SLC35F3: variants seen among roughly 807,000 people sequenced by gnomAD.
SLC35F3 encodes solute carrier family 35 member F3, also known as putative thiamine transporter SLC35F3.
In SLC35F3, 25 loss-of-function variants were observed where a neutral mutation model predicts 49.9. That is an observed-to-expected ratio of 0.50 (90% confidence interval 0.37 to 0.70). The LOEUF (loss-of-function observed/expected upper bound fraction) is 0.70, where lower values mean the gene tolerates loss of function less well. Ranked by LOEUF, SLC35F3 falls within the 30% of genes least tolerant of loss-of-function variation. The pLI is 0.00. For synonymous variants in SLC35F3, 275 were observed against 265.4 expected (o/e 1.04, Z -0.35); for missense variants, 525 against 639.8 (o/e 0.82, Z 1.94).
intron 3 of SLC35F3, among the ~76,000 whole-genome samples, chr1:234,301,455 GATC>G (rs1668690798): frequency 6.6e-6 from 1 of 152,172 alleles, no homozygotes; most frequent in Non-Finnish European, 1.5e-5. Flanking sequence ...CAACATCACT[GATC>G]ATCAGAGAAA....
intron 3 of SLC35F3, among the ~76,000 whole-genome samples, chr1:234,272,954 A>G (rs969398785): frequency 1.3e-5 from 2 of 152,190 alleles, no homozygotes; most frequent in African/African-American, 4.8e-5. Flanking sequence ...CAGGACAGTC[A>G]CAGCCCCTGG....
chr1:233,910,754 T>G (rs1001671052), intron 2 of SLC35F3, among the ~76,000 whole-genome samples: 1 of 152,242 alleles, frequency 6.6e-6, no homozygotes, highest in Non-Finnish European at 1.5e-5. Context: ...GAAGTGCAAT[T>G]ATCATTTGAG....
intron 3 of SLC35F3, among the ~76,000 whole-genome samples, chr1:234,307,945 G>A (rs1235300180): frequency 1.3e-5 from 2 of 152,046 alleles, no homozygotes; most frequent in Admixed American, 6.6e-5. Context: ...AGCTCCCCAC[G>A]GCCTCCTCTA....
intron 2 of SLC35F3, among the ~76,000 whole-genome samples, chr1:234,045,434 G>T (rs567454816): frequency 1.3e-5 from 2 of 152,230 alleles, no homozygotes; most frequent in East Asian, 3.9e-4. Context: ...TCACAGTGGT[G>T]CTCTGAAGTA....
At chr1:234,202,416 T>C (rs1666912586) in intron 2 of SLC35F3, among the ~76,000 whole-genome samples, 1 of 152,210 alleles carries the variant, frequency 6.6e-6, no homozygotes, top group Admixed American at 6.5e-5. Context: ...CTTTAACATA[T>C]CAAAGCCAAA....
intron 2 of SLC35F3, among the ~76,000 whole-genome samples, chr1:234,117,785 C>G (rs1017421436): frequency 1.3e-4 from 19 of 150,670 alleles, no homozygotes; most frequent in African/African-American, 4.4e-4. Context: ...ACTCAGGAGG[C>G]TGAGGCAGGA....
chr1:234,253,744 A>G (rs1667774575), intron 3 of SLC35F3, among the ~76,000 whole-genome samples: 1 of 152,226 alleles, frequency 6.6e-6, no homozygotes, highest in South Asian at 2.1e-4. Context: ...TAGAAAATGG[A>G]CAGAGAGGCA....
At chr1:234,154,548 T>C (rs1666123247) in intron 2 of SLC35F3, among the ~76,000 whole-genome samples, 2 of 152,180 alleles carry the variant, frequency 1.3e-5, no homozygotes, top group Non-Finnish European at 2.9e-5. Flanking sequence ...GGATCTCTTA[T>C]AATACCAGGG....
At position 234,152,227 on chromosome 1, in the gene SLC35F3, GTTA is replaced by G. The variant is rs61307533; in HGVS notation, c.284-79167_284-79165del. Among the ~76,000 whole-genome samples, 387 of 144,548 alleles carry G rather than the reference GTTA, an allele frequency of 2.7e-3. 3 individuals are homozygous for G. The highest frequency in any genetic ancestry group is 0.023 in the South Asian group (101 of 4,480). The allele number at this position is 144,548 out of a possible 152,430, so 94.8% of individuals were successfully genotyped here. A position where few individuals can be genotyped will look rare whatever the true frequency, so the allele number is the denominator to read the frequency against. On this transcript the variant is annotated intron_variant, in intron 2 of 7. Coordinates refer to ENST00000366618, the MANE Select transcript of SLC35F3 (RefSeq NM_173508.4). The stretch of plus-strand genomic sequence containing the variant: ...ATGGAGTAACATTATTATTATTATT[GTTA>G]TTATTATTATTATTATTATTATACT...
chr1:234,039,371 T>C (rs1399709798), intron 2 of SLC35F3, among the ~76,000 whole-genome samples: 2 of 152,128 alleles, frequency 1.3e-5, no homozygotes, highest in East Asian at 1.9e-4. Flanking sequence ...AATCAATGCA[T>C]AGAAGTACAA....
At chr1:234,009,530 C>T (rs1663681791) in intron 2 of SLC35F3, among the ~76,000 whole-genome samples, 1 of 152,156 alleles carries the variant, frequency 6.6e-6, no homozygotes, top group Non-Finnish European at 1.5e-5. Context: ...TAAATTACAA[C>T]TCATTCCCCA....
chr1:234,297,757 A>AAAAC (rs1191046942), intron 3 of SLC35F3, among the ~76,000 whole-genome samples: 1 of 140,988 alleles, frequency 7.1e-6, no homozygotes, highest in Non-Finnish European at 1.6e-5. Flanking sequence ...AAAAAAAAAA[A>AAAAC]AAACAGTTAA....
rs185565407 is a variant in SLC35F3, at chr1:234,047,722, T to G, written c.283+141964T>G. Among the ~76,000 whole-genome samples the G allele has an allele frequency of 1.2e-3, 180 of 152,166 alleles. 1 individual carries two copies. The South Asian group carries it at 0.015, about 13-fold the overall frequency. On this transcript the variant is annotated intron_variant, in intron 2 of 7. Transcript: ENST00000366618. ...ATACACACACACACACAGGATCTGT[T>G]ACTCTGGAAAACTCTGACTAATATA...
chr1:234,058,750 C>G (rs757600465), intron 2 of SLC35F3, among the ~76,000 whole-genome samples: 1 of 152,120 alleles, frequency 6.6e-6, no homozygotes, highest in Non-Finnish European at 1.5e-5. Context: ...GTTTTCTTAT[C>G]GAGGTAATGC....
chr1:234,272,754 G>A (rs1481829733), intron 3 of SLC35F3, among the ~76,000 whole-genome samples: 1 of 152,088 alleles, frequency 6.6e-6, no homozygotes, highest in Non-Finnish European at 1.5e-5. Context: ...CTCCCATATA[G>A]ACTTGCTTTC....
chr1:234,258,295 G>T (rs1667851921), intron 3 of SLC35F3, among the ~76,000 whole-genome samples: 1 of 152,208 alleles, frequency 6.6e-6, no homozygotes, highest in Admixed American at 6.5e-5. Flanking sequence ...GGTTGAATTA[G>T]TTCCTCAATA....
At position 234,318,876 on chromosome 1, in the gene SLC35F3, G is replaced by A; in HGVS notation, c.1080G>A (p.Val360=). The A allele has an allele frequency of 6.2e-7, 1 of 1,614,048 alleles. No homozygotes were observed. Among genetic ancestry groups the A allele is most frequent in the South Asian group, 1.1e-5 (1 of 91,078 alleles). Residue 360 remains valine (V), a synonymous_variant, in exon 6 of 8, where the codon GTG becomes GTA. Transcript: ENST00000366618. The stretch of plus-strand genomic sequence containing the variant: ...CTATTATCCTCTACTTTACCAAAGT[G>A]GAATACTGGAGCTCTTTTGATGACA... ...CIPIILYFTK[V]EYWSSFDDIP...
At chr1:234,275,998 G>A (rs1179674291) in intron 3 of SLC35F3, among the ~76,000 whole-genome samples, 3 of 151,924 alleles carry the variant, frequency 2.0e-5, no homozygotes, top group Non-Finnish European at 4.4e-5. Flanking sequence ...AAATGAAAGA[G>A]TCAGAAGATG....
intron 2 of SLC35F3, among the ~76,000 whole-genome samples, chr1:234,097,964 T>TTGGTGG (rs568994922): frequency 1.3e-5 from 2 of 151,102 alleles, no homozygotes; most frequent in South Asian, 2.1e-4. Context: ...GGTGACTGTG[T>TTGGTGG]TGGTGGTGGC....
Sources: gnomAD v4.1 joint callset for allele counts (sites outside exome capture counted in the v4.1 genomes callset) on GRCh38, gnomAD v4.1.1 for gene constraint, MANE v1.5 for transcripts, NCBI Gene and HGNC (gene_info 2026-07-23, HGNC 2026-07-21) for gene names.